The following ADIPOR2 variants were observed in gnomAD, a reference collection of about 807,000 sequenced individuals.
The protein encoded by ADIPOR2 is adiponectin receptor 2.
A neutral mutation model predicts 40.9 loss-of-function variants in ADIPOR2; 18 were observed. The ratio of observed to expected loss-of-function variants is 0.44; its 90% CI spans 0.30 to 0.65. The LOEUF is 0.65. Ranked by LOEUF, ADIPOR2 falls within the 30% of genes least tolerant of loss-of-function variation. The pLI is 0.09. For missense variants in ADIPOR2, 283 were observed against 479.2 expected (o/e 0.59, Z 3.82); for synonymous variants, 165 against 166.4 (o/e 0.99, Z 0.06).
intron 1 of ADIPOR2, among the ~76,000 whole-genome samples, chr12:1,729,566 AC>A (rs1320562580): frequency 7.4e-6 from 1 of 135,336 alleles, no homozygotes; most frequent in East Asian, 2.1e-4. Flanking sequence ...TCCTGCATTG[AC>A]CTCCCAAAGT....
intron 2 of ADIPOR2, among the ~76,000 whole-genome samples, chr12:1,769,021 A>T (rs759177368): frequency 1.3e-5 from 2 of 152,228 alleles, no homozygotes; most frequent in African/African-American, 4.8e-5. Flanking sequence ...GGTAAGGAGT[A>T]TGACAACAGA....
At chr12:1,719,582 T>G (rs939864273) in intron 1 of ADIPOR2, among the ~76,000 whole-genome samples, 16 of 152,208 alleles carry the variant, frequency 1.1e-4, no homozygotes, top group African/African-American at 3.6e-4. Context: ...ATTAAAGAGA[T>G]AATCCTTGGG....
intron 2 of ADIPOR2, among the ~76,000 whole-genome samples, chr12:1,766,087 A>G (rs576111792): frequency 1.3e-5 from 2 of 152,294 alleles, no homozygotes; most frequent in Admixed American, 6.5e-5. Flanking sequence ...CATGTAGTTT[A>G]GTTGGAGAGA....
chr12:1,718,110 T>A (rs985723088), intron 1 of ADIPOR2, among the ~76,000 whole-genome samples: 1 of 152,178 alleles, frequency 6.6e-6, no homozygotes, highest in Non-Finnish European at 1.5e-5. Flanking sequence ...TTGGTTTAAG[T>A]TTGGGGCATT....
intron 1 of ADIPOR2, among the ~76,000 whole-genome samples, chr12:1,748,409 T>G (rs149639586): frequency 6.6e-6 from 1 of 151,906 alleles, no homozygotes; most frequent in Non-Finnish European, 1.5e-5. Context: ...CCACCACGCC[T>G]GGCTAATTTT....
In ADIPOR2 at chr12:1,788,121, A is replaced by G. The variant is rs1433708924; in HGVS notation, c.*2049A>G. The G allele has an allele frequency of 6.5e-6, 1 of 152,780 alleles. No individual in the cohort carries two copies. The highest frequency in any genetic ancestry group is 2.1e-4 in the South Asian group (1 of 4,828). The allele number at this position is 152,780 out of a possible 1,614,324, so 9.5% of individuals were successfully genotyped here. A position where few individuals can be genotyped will look rare whatever the true frequency, so the allele number is the denominator to read the frequency against. ...AGCGTATAGGTGCAGCCCTGTCACA[A>G]CACCAACAGAAGTAGCAGCCTCTGG... On this transcript the variant is annotated 3_prime_UTR_variant, in exon 8 of 8. Coordinates refer to ENST00000357103, the MANE Select transcript of ADIPOR2 (RefSeq NM_024551.3).
At chr12:1,743,377 G>A (rs1307453417) in intron 1 of ADIPOR2, among the ~76,000 whole-genome samples, 2 of 148,882 alleles carry the variant, frequency 1.3e-5, no homozygotes, top group African/African-American at 2.5e-5. Context: ...GGAGGCAATA[G>A]TTTAAATTCT....
intron 1 of ADIPOR2, among the ~76,000 whole-genome samples, chr12:1,713,815 G>T (rs935478591): frequency 3.9e-5 from 6 of 152,076 alleles, no homozygotes. Context: ...GAGGACAGCT[G>T]TCCGGGACAG....
chr12:1,772,309 T>G (rs936694343), intron 2 of ADIPOR2, among the ~76,000 whole-genome samples: 1 of 152,258 alleles, frequency 6.6e-6, no homozygotes, highest in African/African-American at 2.4e-5. Context: ...TAAATGGGAA[T>G]GAGAATACTT....
intron 1 of ADIPOR2, among the ~76,000 whole-genome samples, chr12:1,747,343 T>G (rs1203501429): frequency 7.9e-5 from 12 of 152,206 alleles, no homozygotes; most frequent in African/African-American, 2.4e-4. Flanking sequence ...ATTAACACAC[T>G]TAACCATTGG....
At chr12:1,754,584 G>GA (rs138027743) in intron 2 of ADIPOR2, 70 bp downstream of exon 2, 52 of 1,435,850 alleles carry the variant, frequency 3.6e-5, no homozygotes, top group East Asian at 1.0e-4. Flanking sequence ...AGGATATGGG[G>GA]AAAAAAAAGT....
At chr12:1,746,551 G>T (rs2094755430) in intron 1 of ADIPOR2, among the ~76,000 whole-genome samples, 1 of 151,904 alleles carries the variant, frequency 6.6e-6, no homozygotes, top group East Asian at 1.9e-4. Flanking sequence ...TTAAATAGAA[G>T]AGTCGATACA....
At chr12:1,761,172 A>G (rs1289281844) in intron 2 of ADIPOR2, among the ~76,000 whole-genome samples, 1 of 152,234 alleles carries the variant, frequency 6.6e-6, no homozygotes, top group African/African-American at 2.4e-5. Context: ...AGGGTCCAGC[A>G]GTATCCATGA....
chr12:1,778,187 A>G (rs932579796), intron 4 of ADIPOR2, 162 bp downstream of exon 4: 4 of 805,364 alleles, frequency 5.0e-6, no homozygotes, highest in Non-Finnish European at 7.3e-6. Context: ...CTCGTAGTTT[A>G]TCCTGGTTTG....
intron 1 of ADIPOR2, among the ~76,000 whole-genome samples, chr12:1,739,582 C>G (rs2094738239): frequency 6.6e-6 from 1 of 152,166 alleles, no homozygotes; most frequent in African/African-American, 2.4e-5. Flanking sequence ...TGGAACACAG[C>G]CACATTAATT....
chr12:1,784,186 T>G, intron 7 of ADIPOR2, 113 bp downstream of exon 7: 1 of 1,184,228 alleles, frequency 8.4e-7, no homozygotes, highest in Non-Finnish European at 1.2e-6. Context: ...AGTTGTATCC[T>G]GGTCCTAACT....
intron 2 of ADIPOR2, among the ~76,000 whole-genome samples, chr12:1,772,005 T>C (rs560128567): frequency 5.1e-4 from 77 of 152,384 alleles, no homozygotes; most frequent in African/African-American, 1.9e-3. Context: ...TTGATGTTAG[T>C]GGTGGAGCTG....
At chr12:1,761,161 T>C (rs570694313) in intron 2 of ADIPOR2, among the ~76,000 whole-genome samples, 1 of 152,296 alleles carries the variant, frequency 6.6e-6, no homozygotes, top group East Asian at 1.9e-4. Flanking sequence ...ACAGCATATA[T>C]AGGGTCCAGC....
At chr12:1,719,287 T>G (rs1691820036) in intron 1 of ADIPOR2, among the ~76,000 whole-genome samples, 1 of 152,232 alleles carries the variant, frequency 6.6e-6, no homozygotes, top group Non-Finnish European at 1.5e-5. Context: ...TGACAGTTTC[T>G]TAATATCTTG....
Sources: gnomAD v4.1 joint callset for allele counts (sites outside exome capture counted in the v4.1 genomes callset) on GRCh38, gnomAD v4.1.1 for gene constraint, MANE v1.5 for transcripts, NCBI Gene and HGNC (gene_info 2026-07-23, HGNC 2026-07-21) for gene names.